ITGBL1: variants seen among roughly 807,000 people sequenced by gnomAD.
ITGBL1 encodes integrin subunit beta like 1.
Under a neutral mutation model 68.5 loss-of-function variants are expected in ITGBL1, and 51 were observed. The observed-to-expected ratio is 0.74, with a 90% confidence interval of 0.59 to 0.94. The LOEUF is 0.94. Ranked by LOEUF, ITGBL1 falls within the 40% of genes least tolerant of loss-of-function variation. ITGBL1 has a pLI of 0.00. For missense variants in ITGBL1, 649 were observed against 647.4 expected, an observed-to-expected ratio of 1.00 and a Z score of -0.03; for synonymous variants, 209 against 227.3, an observed-to-expected ratio of 0.92 and a Z score of 0.72.
intron 7 of ITGBL1, among the ~76,000 whole-genome samples, chr13:101,632,649 GACA>G (rs1176081350): frequency 6.6e-6 from 1 of 152,136 alleles, no homozygotes. Flanking sequence ...TACTGATAAA[GACA>G]ACAATATGGA....
chr13:101,605,609 C>T (rs1200899500), intron 7 of ITGBL1, among the ~76,000 whole-genome samples: 5 of 149,056 alleles, frequency 3.4e-5, no homozygotes, highest in Admixed American at 6.8e-5. Flanking sequence ...TGTGTATATG[C>T]GTATATATAT....
rs553095686 is a variant in ITGBL1, at chr13:101,520,625, C to A, written c.317-47074C>A. Among the ~76,000 whole-genome samples the A allele has an allele frequency of 2.5e-3, 383 of 152,316 alleles. 3 individuals are homozygous for A. Among genetic ancestry groups the A allele is most frequent in the Non-Finnish European group, 3.7e-3 (253 of 68,028 alleles). ...AGGATAACCACTGCTCTGTTCAGGG[C>A]ACCCTGCTCACTCCGTGGGGAATGC... On this transcript the variant is annotated intron_variant, in intron 2 of 10. Coordinates refer to ENST00000376180, the MANE Select transcript of ITGBL1 (RefSeq NM_004791.3).
rs554228081 is a variant in ITGBL1, at chr13:101,657,352, C to G, written c.1016-35233C>G. Among the ~76,000 whole-genome samples the G allele has an allele frequency of 8.4e-4, 128 of 152,180 alleles. No homozygotes were observed. The Middle Eastern group carries it at 0.02, about 24-fold the overall frequency. ...TTTAAGCTTTTCTGAAACATATTCC[C>G]TCTTTAATCAATGATGATATGCTAG... On this transcript the variant is annotated intron_variant, in intron 7 of 10. Coordinates refer to ENST00000376180, the MANE Select transcript of ITGBL1 (RefSeq NM_004791.3).
At chr13:101,713,812 A>G (rs2034589674) in intron 9 of ITGBL1, 1 of 152,168 alleles carries the variant, frequency 6.6e-6, no homozygotes, top group Non-Finnish European at 1.5e-5. Flanking sequence ...CCAGAGCCTC[A>G]TAAAATATGA....
chr13:101,598,329 G>C, intron 7 of ITGBL1, 30 bp downstream of exon 7: 1 of 1,532,992 alleles, frequency 6.5e-7, no homozygotes, highest in Non-Finnish European at 8.8e-7. Flanking sequence ...GCTTCCCACG[G>C]CCTCTCCATC....
At chr13:101,601,307 C>G (rs568163909) in intron 7 of ITGBL1, among the ~76,000 whole-genome samples, 1 of 152,034 alleles carries the variant, frequency 6.6e-6, no homozygotes, top group Non-Finnish European at 1.5e-5. Flanking sequence ...TTTATTGAGT[C>G]TATTTGATTC....
chr13:101,554,930 C>T (rs2049981216), intron 2 of ITGBL1, among the ~76,000 whole-genome samples: 1 of 152,192 alleles, frequency 6.6e-6, no homozygotes, highest in East Asian at 1.9e-4. Flanking sequence ...ACTCTGTCTT[C>T]CCCCAGGCAG....
At chr13:101,598,583 C>T (rs562854345) in intron 7 of ITGBL1, among the ~76,000 whole-genome samples, 4 of 152,180 alleles carry the variant, frequency 2.6e-5, no homozygotes, top group East Asian at 3.9e-4. Context: ...TATCCCTCCC[C>T]GCTGCCCCCA....
chr13:101,624,535 G>A (rs2031704498), intron 7 of ITGBL1, among the ~76,000 whole-genome samples: 1 of 152,178 alleles, frequency 6.6e-6, no homozygotes, highest in Admixed American at 6.5e-5. Flanking sequence ...GAGACCAAAA[G>A]AAAAACAGAG....
In ITGBL1 at chr13:101,592,923, C is replaced by T. The variant is rs909301598; in HGVS notation, c.869-5230C>T. Reference sequence around the variant, plus strand: ...AAAAACAAATAGATAAATGGAAGGACATCAAACTGACAAGCTTTTGATCAA... The same window carrying T: ...AAAAACAAATAGATAAATGGAAGGATATCAAACTGACAAGCTTTTGATCAA... On this transcript the variant is annotated intron_variant, in intron 6 of 10. Transcript: ENST00000376180. Among the ~76,000 whole-genome samples, 9 of 152,104 alleles carry T rather than the reference C, an allele frequency of 5.9e-5. No homozygotes were observed. In the East Asian group the frequency reaches 1.7e-3, roughly 29 times the overall value.
At chr13:101,464,284 GT>G (rs59494554) in intron 2 of ITGBL1, among the ~76,000 whole-genome samples, 1 of 151,858 alleles carries the variant, frequency 6.6e-6, no homozygotes, top group Non-Finnish European at 1.5e-5. Context: ...TCACATTTCT[GT>G]TTTTTTATTT....
At chr13:101,601,425 C>G (rs1405071889) in intron 7 of ITGBL1, among the ~76,000 whole-genome samples, 1 of 152,046 alleles carries the variant, frequency 6.6e-6, no homozygotes, top group Non-Finnish European at 1.5e-5. Context: ...TTTTTTGTGT[C>G]TCTATTTCCT....
At chr13:101,696,028 C>G (rs1026667640) in intron 8 of ITGBL1, among the ~76,000 whole-genome samples, 2 of 152,090 alleles carry the variant, frequency 1.3e-5, no homozygotes, top group Non-Finnish European at 2.9e-5. Flanking sequence ...GTTGGGCGTG[C>G]GACTTCTTCT....
chr13:101,620,741 C>T (rs969513474), intron 7 of ITGBL1, among the ~76,000 whole-genome samples: 1 of 152,114 alleles, frequency 6.6e-6, no homozygotes, highest in African/African-American at 2.4e-5. Context: ...AGTCATCTTA[C>T]TTCACTCAAA....
chr13:101,578,696 G>T (rs142675147), intron 4 of ITGBL1, among the ~76,000 whole-genome samples: 1 of 152,170 alleles, frequency 6.6e-6, no homozygotes, highest in Non-Finnish European at 1.5e-5. Context: ...ATTTGATTGC[G>T]TGGCCAAGGG....
chr13:101,574,143 A>T (rs79217489), intron 3 of ITGBL1, among the ~76,000 whole-genome samples: 1 of 152,222 alleles, frequency 6.6e-6, no homozygotes, highest in African/African-American at 2.4e-5. Flanking sequence ...CCTTGCTTCT[A>T]TGTCTTCCAA....
intron 7 of ITGBL1, among the ~76,000 whole-genome samples, chr13:101,617,152 A>G (rs1182720972): frequency 1.3e-5 from 2 of 152,138 alleles, no homozygotes; most frequent in African/African-American, 4.8e-5. Context: ...TAGGTACTGT[A>G]TTGTTTACTA....
intron 6 of ITGBL1, among the ~76,000 whole-genome samples, chr13:101,594,039 AATTTTTAACCTCTCCTAGC>A (rs1347315792): frequency 1.3e-5 from 2 of 152,096 alleles, no homozygotes; most frequent in Non-Finnish European, 2.9e-5. Flanking sequence ...TACATATAAT[AATTTTTAACCTCTCCTAGC>A]ATTTTTAATA....
intron 3 of ITGBL1, among the ~76,000 whole-genome samples, chr13:101,568,456 A>G (rs2050217159): frequency 6.6e-6 from 1 of 152,152 alleles, no homozygotes; most frequent in African/African-American, 2.4e-5. Context: ...TGTTACCGTA[A>G]TTAAATATTC....
Sources: allele counts gnomAD v4.1 joint callset (sites outside exome capture counted in the v4.1 genomes callset), GRCh38; gene constraint gnomAD v4.1.1; transcripts MANE v1.5; gene names NCBI Gene and HGNC (gene_info 2026-07-23, HGNC 2026-07-21).